Variants in TMEM204 observed in about 807,000 individuals in gnomAD.
The protein encoded by TMEM204 is transmembrane protein 204, also known as claudin-like protein 24.
In TMEM204, 15 loss-of-function variants were observed where a neutral mutation model predicts 19.4. That is an observed-to-expected ratio of 0.77 (90% CI 0.52 to 1.19). The LOEUF is 1.19. Among genes scored for constraint, TMEM204 ranks in the 50% most tolerant of loss-of-function variants. TMEM204 has a pLI of 0.00. For missense variants in TMEM204, 287 were observed against 321.2 expected, an observed-to-expected ratio of 0.89 and a Z score of 0.81; for synonymous variants, 161 against 146.0, an observed-to-expected ratio of 1.10 and a Z score of -0.74.
In TMEM204 at chr16:1,535,113, C is replaced by T. The variant is rs138222321; in HGVS notation, c.280+558C>T. ...AATAAACAAGAAGTTTAAAAATACA[C>T]GGGTGAGTTCTGGCTTTGTTCTCAC... On this transcript the variant is annotated intron_variant, in intron 1 of 2. Coordinates refer to ENST00000566264, the MANE Select transcript of TMEM204 (RefSeq NM_024600.6). Among the ~76,000 whole-genome samples the T allele has an allele frequency of 2.6e-3, 392 of 152,164 alleles. 2 individuals are homozygous for T. The highest frequency in any genetic ancestry group is 0.014 in the Middle Eastern group (4 of 294).
chr16:1,537,906 C>A (rs2031234520), intron 1 of TMEM204, among the ~76,000 whole-genome samples: 1 of 152,222 alleles, frequency 6.6e-6, no homozygotes, highest in Non-Finnish European at 1.5e-5. Context: ...ACGTAAGACC[C>A]TGCCTGAATA....
intron 1 of TMEM204, among the ~76,000 whole-genome samples, chr16:1,534,817 A>G (rs2141241152): frequency 6.6e-6 from 1 of 151,794 alleles, no homozygotes; most frequent in South Asian, 2.1e-4. Flanking sequence ...ACAGGAATTC[A>G]TCTCAGGCAT....
At chr16:1,545,545 ACAGT>A (rs1416340017) in intron 2 of TMEM204, among the ~76,000 whole-genome samples, 4 of 152,138 alleles carry the variant, frequency 2.6e-5, no homozygotes, top group Non-Finnish European at 5.9e-5. Context: ...TCTGTTTTAA[ACAGT>A]CAGGGAGAGA....
chr16:1,543,960 T>C (rs371893336), intron 2 of TMEM204, among the ~76,000 whole-genome samples: 3 of 152,230 alleles, frequency 2.0e-5, no homozygotes, highest in South Asian at 4.1e-4. Context: ...GCAAAAGCAA[T>C]AGTTTTTGAT....
intron 2 of TMEM204, among the ~76,000 whole-genome samples, chr16:1,545,986 T>C (rs1400447557): frequency 6.6e-6 from 1 of 152,214 alleles, no homozygotes. Flanking sequence ...GCCCTTGGCA[T>C]TCTATTCAGA....
chr16:1,531,108 T>G (rs2030440884), upstream of TMEM204: 1 of 152,288 alleles, frequency 6.6e-6, no homozygotes, highest in Non-Finnish European at 1.5e-5. The surrounding 1 kb of genome is among the most constrained non-coding windows in gnomAD (Gnocchi z 4.7). Flanking sequence ...CGGCCAGGGC[T>G]CTCGGGACAG....
intron 2 of TMEM204, among the ~76,000 whole-genome samples, chr16:1,547,734 C>A (rs927267440): frequency 8.5e-5 from 13 of 152,284 alleles, no homozygotes; most frequent in African/African-American, 2.6e-4. Context: ...TGGGGTTTCA[C>A]CATGTTGGCC....
At chr16:1,544,277 G>A (rs565215198) in intron 2 of TMEM204, among the ~76,000 whole-genome samples, 80 of 151,182 alleles carry the variant, frequency 5.3e-4, no homozygotes, top group African/African-American at 1.8e-3. Flanking sequence ...TCCACCTCCC[G>A]GGTTCACGCC....
chr16:1,549,015 C>A (rs765748670), intron 2 of TMEM204, among the ~76,000 whole-genome samples: 1 of 152,236 alleles, frequency 6.6e-6, no homozygotes, highest in African/African-American at 2.4e-5. Context: ...AGCCACCTGG[C>A]GCTCTCCAGC....
chr16:1,542,778 C>T lies in TMEM204; in HGVS notation c.436+702C>T, dbSNP rs3826053. Among the ~76,000 whole-genome samples, 456 of 152,354 alleles carry T rather than the reference C, an allele frequency of 3.0e-3. 13 individuals are homozygous for T. The East Asian group carries it at 0.068, about 23-fold the overall frequency. On this transcript the variant is annotated intron_variant, in intron 2 of 2. Coordinates refer to ENST00000566264, the MANE Select transcript of TMEM204 (RefSeq NM_024600.6). ...TCACGAGGCCCTGGCTTCCCCAAGC[C>T]GCCATGTGAGTTGGGGAGGAGGCCC...
chr16:1,547,201 C>T (rs1392668350), intron 2 of TMEM204, among the ~76,000 whole-genome samples: 1 of 152,164 alleles, frequency 6.6e-6, no homozygotes, highest in African/African-American at 2.4e-5. Flanking sequence ...GCATATAACC[C>T]AAAATTCCCT....
chr16:1,541,671 G>C (rs917249712), intron 1 of TMEM204, among the ~76,000 whole-genome samples: 4 of 152,108 alleles, frequency 2.6e-5, no homozygotes, highest in African/African-American at 9.7e-5. Context: ...GTCCCTGCAG[G>C]GATACGACCA....
rs769060347 is a variant in TMEM204, at chr16:1,541,974, G to A, written c.334G>A (p.Ala112Thr). ...CNLVATAALTAGQLTFLLGLV... is the reference protein window; with the variant it reads ...CNLVATAALTTGQLTFLLGLV... ...CCTGGTGGCCACGGCCGCGCTCACCGCAGGCCAGCTCACCTTCCTCCTGGG... is the reference window on the plus strand; with the variant it reads ...CCTGGTGGCCACGGCCGCGCTCACCACAGGCCAGCTCACCTTCCTCCTGGG... Residue 112 changes from alanine (A) to threonine (T), a missense_variant, in exon 2 of 3, where the codon GCA (alanine) becomes ACA (threonine). Ala to Thr is a moderately conservative substitution (Grantham distance 58, BLOSUM62 0). Transcript: ENST00000566264. 6.0e-5 allele frequency: 96 copies of A among 1,610,702 alleles called. No individual in the cohort carries two copies. The highest frequency in any genetic ancestry group is 7.5e-5 in the Non-Finnish European group (88 of 1,179,652).
intron 1 of TMEM204, among the ~76,000 whole-genome samples, chr16:1,538,850 T>C (rs1470069381): frequency 6.6e-6 from 1 of 152,164 alleles, no homozygotes. Context: ...GTGGAGTCCG[T>C]TGGAGCAGTC....
At chr16:1,541,286 G>A (rs2031608524) in intron 1 of TMEM204, 4 of 985,224 alleles carry the variant, frequency 4.1e-6, no homozygotes, top group Non-Finnish European at 4.8e-6. Context: ...AGGTGAGGGG[G>A]GCAGGTGGGG....
At chr16:1,547,800 C>T (rs148636138) in intron 2 of TMEM204, among the ~76,000 whole-genome samples, 4 of 152,280 alleles carry the variant, frequency 2.6e-5, no homozygotes, top group East Asian at 1.9e-4. Flanking sequence ...CCTCCCACAG[C>T]GCTGGGATTA....
intron 1 of TMEM204, among the ~76,000 whole-genome samples, chr16:1,539,645 G>A (rs2031433542): frequency 6.6e-6 from 1 of 152,258 alleles, no homozygotes; most frequent in African/African-American, 2.4e-5. Context: ...CTTTGGAGAT[G>A]AAGGAACGTG....
Position 1,555,090 on chromosome 16 carries a change from G to A in TMEM204, c.*64G>A. 1 of 1,542,486 alleles carries A rather than the reference G, an allele frequency of 6.5e-7. No homozygotes were observed. The highest frequency in any genetic ancestry group is 8.7e-7 in the Non-Finnish European group (1 of 1,148,400). On this transcript the variant is annotated 3_prime_UTR_variant, in exon 3 of 3. Transcript: ENST00000566264. Reference sequence around the variant, plus strand: ...TCGTGGAACAGCCTAGAAACCAAGGGACTCCACCACCAAGTCACTTCCCCT... The same window carrying A: ...TCGTGGAACAGCCTAGAAACCAAGGAACTCCACCACCAAGTCACTTCCCCT...
upstream of TMEM204, chr16:1,532,377 G>T (rs1308229578): frequency 6.6e-6 from 1 of 152,330 alleles, no homozygotes; most frequent in Admixed American, 6.5e-5. Flanking sequence ...CGCTTCTCAG[G>T]ACCCAGCACG....
Sources: gnomAD v4.1 joint callset for allele counts (sites outside exome capture counted in the v4.1 genomes callset) on GRCh38, gnomAD v4.1.1 for gene constraint, Gnocchi (gnomAD v3.1) non-coding constraint, MANE v1.5 for transcripts, NCBI Gene and HGNC (gene_info 2026-07-23, HGNC 2026-07-21) for gene names.